Variants in CNOT2 observed in about 807,000 individuals in gnomAD.
The protein encoded by CNOT2 is CC chemokine receptor 4-negative regulator of transcription 2.
In CNOT2, 7 loss-of-function variants were observed where a neutral mutation model predicts 72.1. The observed-to-expected ratio is 0.10, with a 90% CI of 0.06 to 0.18. CNOT2 has a LOEUF of 0.18. Ranked by LOEUF, CNOT2 falls within the 10% of genes least tolerant of loss-of-function variation. CNOT2 has a pLI of 1.00. For synonymous variants in CNOT2, 196 were observed against 225.6 expected (o/e 0.87, Z 1.17); for missense variants, 345 against 660.3 (o/e 0.52, Z 5.23).
At chr12:70,294,873 A>G (rs1438312227) in intron 2 of CNOT2, among the ~76,000 whole-genome samples, 8 of 152,202 alleles carry the variant, frequency 5.3e-5, no homozygotes, top group Non-Finnish European at 5.9e-5. Context: ...AAAAATAAGT[A>G]TAGATATCTG....
At chr12:70,314,844 G>A (rs1295379174) in intron 3 of CNOT2, among the ~76,000 whole-genome samples, 1 of 150,560 alleles carries the variant, frequency 6.6e-6, no homozygotes, top group Non-Finnish European at 1.5e-5. Context: ...GTTCTTGTTT[G>A]TTTGTTTGTT....
At chr12:70,326,546 G>C (rs1879109125) in intron 4 of CNOT2, among the ~76,000 whole-genome samples, 1 of 151,000 alleles carries the variant, frequency 6.6e-6, no homozygotes, top group Admixed American at 6.6e-5. Flanking sequence ...ATACTAGTGA[G>C]AGATTAGATT....
At chr12:70,259,574 T>A (rs1312959379) in intron 1 of CNOT2, among the ~76,000 whole-genome samples, 2 of 152,154 alleles carry the variant, frequency 1.3e-5, no homozygotes, top group East Asian at 3.8e-4. Flanking sequence ...TATTTGAGAT[T>A]TTTTCTAGAG....
chr12:70,339,091 T>TATATAC (rs371015394), intron 11 of CNOT2, among the ~76,000 whole-genome samples: 18 of 138,374 alleles, frequency 1.3e-4, no homozygotes, highest in South Asian at 9.4e-4. Flanking sequence ...TATATATATA[T>TATATAC]ACACACACAC....
At chr12:70,343,069 G>A (rs190542069) in intron 13 of CNOT2, among the ~76,000 whole-genome samples, 10 of 152,188 alleles carry the variant, frequency 6.6e-5, no homozygotes, top group African/African-American at 2.4e-4. Flanking sequence ...GTAGATAAAA[G>A]GCAAGAAATA....
rs527551639 is a variant in CNOT2, at chr12:70,311,758, CT to C, written c.171+748del. On this transcript the variant is annotated intron_variant, in intron 3 of 15. Coordinates refer to ENST00000229195, the MANE Select transcript of CNOT2 (RefSeq NM_014515.7). ...TCTTATACTTTGTACACCTGCCCAGCTTTTTTTACCTTTCACACTTTATAAA... is the reference window on the plus strand; with the variant it reads ...TCTTATACTTTGTACACCTGCCCAGCTTTTTTACCTTTCACACTTTATAAA... 2.1e-4 allele frequency among the ~76,000 whole-genome samples: 32 copies of C among 152,028 alleles called. No homozygotes were observed. In the South Asian group the frequency reaches 6.2e-3, roughly 30 times the overall value.
chr12:70,342,078 C>T, intron 11 of CNOT2, 29 bp from the exon 12 acceptor site: 1 of 1,368,684 alleles, frequency 7.3e-7, no homozygotes, highest in Non-Finnish European at 1.0e-6. Context: ...TTCTGGATTT[C>T]AAAATGTTTT....
At chr12:70,263,032 T>A (rs948622495) in intron 1 of CNOT2, among the ~76,000 whole-genome samples, 1 of 152,218 alleles carries the variant, frequency 6.6e-6, no homozygotes. Context: ...TGACAGTTTT[T>A]TCTTCATTGT....
At chr12:70,268,692 T>C (rs1489238675) in intron 1 of CNOT2, among the ~76,000 whole-genome samples, 2 of 152,010 alleles carry the variant, frequency 1.3e-5, no homozygotes, top group East Asian at 1.9e-4. Flanking sequence ...AACTCTGGGC[T>C]CAAGTGATTT....
At chr12:70,257,309 G>A (rs559927165) in intron 1 of CNOT2, among the ~76,000 whole-genome samples, 3 of 150,252 alleles carry the variant, frequency 2.0e-5, no homozygotes, top group East Asian at 2.0e-4. Flanking sequence ...TAGCACATCC[G>A]ATAGTATACA....
intron 13 of CNOT2, 105 bp from the exon 14 acceptor site, chr12:70,344,023 G>C: frequency 1.6e-6 from 1 of 625,248 alleles, no homozygotes; most frequent in Non-Finnish European, 2.8e-6. Context: ...CTACAAAGTG[G>C]GGAGTTTCTG....
At chr12:70,319,748 G>A (rs183918165) in intron 4 of CNOT2, among the ~76,000 whole-genome samples, 2 of 150,914 alleles carry the variant, frequency 1.3e-5, no homozygotes, top group African/African-American at 2.4e-5. Context: ...GTATGTGCAC[G>A]CCTGTTTATT....
At chr12:70,351,194 TG>T (rs1332799344) in intron 15 of CNOT2, among the ~76,000 whole-genome samples, 24 of 152,170 alleles carry the variant, frequency 1.6e-4, no homozygotes, top group Admixed American at 1.4e-3. Context: ...TTAAATGTTT[TG>T]TTCCTAAAAC....
At chr12:70,342,585 C>A (rs1040108249) in intron 13 of CNOT2, among the ~76,000 whole-genome samples, 4 of 152,110 alleles carry the variant, frequency 2.6e-5, no homozygotes, top group Admixed American at 2.6e-4. Context: ...TATTTTATGA[C>A]CTTACCAGTA....
intron 1 of CNOT2, among the ~76,000 whole-genome samples, chr12:70,251,507 A>G (rs764284549): frequency 7.9e-5 from 12 of 152,184 alleles, no homozygotes; most frequent in Non-Finnish European, 1.8e-4. Flanking sequence ...ATGAGGTCTT[A>G]TCTTTTATGT....
chr12:70,283,396 G>T (rs1448330035), intron 2 of CNOT2, among the ~76,000 whole-genome samples: 1 of 151,206 alleles, frequency 6.6e-6, no homozygotes, highest in African/African-American at 2.4e-5. Context: ...AGAGTTTGAG[G>T]CTGCAGTGAG....
chr12:70,288,748 T>C (rs1871347059), intron 2 of CNOT2, among the ~76,000 whole-genome samples: 1 of 152,234 alleles, frequency 6.6e-6, no homozygotes, highest in South Asian at 2.1e-4. Flanking sequence ...TAGTGGGGCA[T>C]TCTGGGTTCT....
intron 3 of CNOT2, among the ~76,000 whole-genome samples, chr12:70,313,015 GT>G (rs1876733125): frequency 6.6e-6 from 1 of 151,828 alleles, no homozygotes; most frequent in Non-Finnish European, 1.5e-5. Context: ...CCATCAAAAA[GT>G]TTGTACCAGT....
chr12:70,324,911 A>G (rs1878846869), intron 4 of CNOT2, among the ~76,000 whole-genome samples: 1 of 151,768 alleles, frequency 6.6e-6, no homozygotes, highest in Admixed American at 6.6e-5. Flanking sequence ...GCTGAGTCTC[A>G]TATGTTATTT....
Sources: allele counts gnomAD v4.1 joint callset (sites outside exome capture counted in the v4.1 genomes callset), GRCh38; gene constraint gnomAD v4.1.1; transcripts MANE v1.5; gene names NCBI Gene and HGNC (gene_info 2026-07-23, HGNC 2026-07-21).